HDDC2: variants seen among roughly 807,000 people sequenced by gnomAD.
The protein encoded by HDDC2 is 5'-deoxynucleotidase HDDC2.
In HDDC2, 25 loss-of-function variants were observed where a neutral mutation model predicts 25.5. That is an observed-to-expected ratio of 0.98 (90% CI 0.72 to 1.37). The LOEUF (loss-of-function observed/expected upper bound fraction) is 1.37, where lower values mean the gene tolerates loss of function less well. Ranked by LOEUF, HDDC2 falls within the 40% of genes most tolerant of loss-of-function variation. The probability of loss-of-function intolerance (pLI) is 0.00; values close to 1 mark genes in which losing one functional copy is unlikely to be tolerated. For synonymous variants in HDDC2, 106 were observed against 89.7 expected (o/e 1.18, Z -1.03); for missense variants, 264 against 253.1 (o/e 1.04, Z -0.29).
intron 2 of HDDC2, 45 bp downstream of exon 2, chr6:125,300,493 A>C (rs1387073798): frequency 6.2e-7 from 1 of 1,601,114 alleles, no homozygotes; most frequent in Admixed American, 1.7e-5. Context: ...GTGCACACCC[A>C]TAGACCAGAA....
intron 3 of HDDC2, 139 bp from the exon 4 acceptor site, chr6:125,293,048 T>C: frequency 1.4e-6 from 1 of 729,490 alleles, no homozygotes; most frequent in Non-Finnish European, 2.5e-6. Flanking sequence ...TACTGGACAA[T>C]ATTTATAGCT....
chr6:125,296,126 TA>T (rs563798273), intron 3 of HDDC2, among the ~76,000 whole-genome samples: 25 of 150,286 alleles, frequency 1.7e-4, no homozygotes, highest in African/African-American at 3.9e-4. Flanking sequence ...AAAAAAAAAT[TA>T]AAAAAAAAGA....
At chr6:125,277,598 A>G (rs1798389557) in intron 4 of HDDC2, 1 of 179,788 alleles carries the variant, frequency 5.6e-6, no homozygotes, top group Non-Finnish European at 1.1e-5. Flanking sequence ...TTTTAACATC[A>G]AGCTGATATT....
At chr6:125,276,946 C>G in intron 5 of HDDC2, 156 bp downstream of exon 5, 1 of 697,762 alleles carries the variant, frequency 1.4e-6, no homozygotes, top group Non-Finnish European at 2.4e-6. Flanking sequence ...TATCCTCAGC[C>G]TCTTACCCGA....
chr6:125,287,726 A>G (rs1052200127), intron 4 of HDDC2, among the ~76,000 whole-genome samples: 1 of 152,202 alleles, frequency 6.6e-6, no homozygotes, highest in Non-Finnish European at 1.5e-5. Context: ...CCCGAGAGGA[A>G]GACACAGGTT....
chr6:125,288,610 C>T (rs565373619), intron 4 of HDDC2, among the ~76,000 whole-genome samples: 1 of 151,954 alleles, frequency 6.6e-6, no homozygotes, highest in African/African-American at 2.4e-5. Flanking sequence ...CCAGAATCTA[C>T]AATGAACTCA....
chr6:125,292,578 G>C (rs759517440), intron 4 of HDDC2, among the ~76,000 whole-genome samples: 9 of 152,160 alleles, frequency 5.9e-5, no homozygotes, highest in Admixed American at 1.3e-4. Flanking sequence ...AAATGGGTGG[G>C]TGTGGGCAAA....
At chr6:125,284,903 TG>T (rs1333562213) in intron 4 of HDDC2, among the ~76,000 whole-genome samples, 2 of 152,128 alleles carry the variant, frequency 1.3e-5, no homozygotes, top group Non-Finnish European at 2.9e-5. Flanking sequence ...AGCAAAGACT[TG>T]GAACCAACCC....
intron 3 of HDDC2, 65 bp downstream of exon 3, chr6:125,298,649 C>G (rs1158670058): frequency 1.7e-6 from 2 of 1,199,034 alleles, no homozygotes; most frequent in Admixed American, 1.7e-5. Flanking sequence ...GTCTCATAAA[C>G]TTAGCTTTGC....
chr6:125,277,306 T>C, intron 4 of HDDC2, 66 bp from the exon 5 acceptor site: 1 of 1,507,706 alleles, frequency 6.6e-7, no homozygotes, highest in Non-Finnish European at 9.1e-7. Context: ...GGGAAAATTC[T>C]GACTCTGGTA....
chr6:125,295,815 T>C (rs3823216), intron 3 of HDDC2, among the ~76,000 whole-genome samples: 32,711 of 152,050 alleles, frequency 0.22, 4,261 homozygotes, highest in African/African-American at 0.37. Flanking sequence ...CCTGCCACCA[T>C]TATATTCCAG....
chr6:125,281,460 A>G (rs1043056686), intron 4 of HDDC2, among the ~76,000 whole-genome samples: 1 of 152,212 alleles, frequency 6.6e-6, no homozygotes, highest in Admixed American at 6.5e-5. Flanking sequence ...AAGAATCTTG[A>G]TAAAAGGTTA....
chr6:125,276,222 A>G lies in HDDC2; in HGVS notation c.539T>C (p.Ile180Thr), dbSNP rs777706002. Reference sequence around the variant, plus strand: ...CTCAAGTTCAGAAACAAGCTGGACTATCTCAGGGTGATTGAATTTTCCTGC... The same window carrying G: ...CTCAAGTTCAGAAACAAGCTGGACTGTCTCAGGGTGATTGAATTTTCCTGC... ...STAGKFNHPEIVQLVSELEAE... is the reference protein window; with the variant it reads ...STAGKFNHPETVQLVSELEAE... Residue 180 changes from isoleucine (I) to threonine (T), a missense_variant, in exon 6 of 6, where the codon ATA becomes ACA. Physicochemically the swap from Ile to Thr is moderately conservative, Grantham distance 89. Transcript: ENST00000398153. 1.6e-5 allele frequency: 26 copies of G among 1,614,014 alleles called. No individual in the cohort carries two copies. The highest frequency in any genetic ancestry group is 2.2e-5 in the Non-Finnish European group (26 of 1,179,856).
rs550942215 is a variant in HDDC2 at position 125,301,051 on chromosome 6, C to T, written c.85-392G>A. 8.6e-5 allele frequency among the ~76,000 whole-genome samples: 13 copies of T among 152,042 alleles called. No homozygotes were observed. In the South Asian group the frequency reaches 1.9e-3, roughly 22 times the overall value. On this transcript the variant is annotated intron_variant, in intron 1 of 5. Transcript: ENST00000398153. ...CTGTATTGAAGGGTCTGAACGTGAA[C>T]GAGTGATAGGCTTCCAAATTCTGAG...
chr6:125,293,501 T>C (rs1798660788), intron 3 of HDDC2, among the ~76,000 whole-genome samples: 1 of 152,166 alleles, frequency 6.6e-6, no homozygotes, highest in African/African-American at 2.4e-5. Context: ...TAAACGGCAA[T>C]TAGCTAAACC....
chr6:125,277,618 G>A (rs1170571924), intron 4 of HDDC2: 1 of 166,094 alleles, frequency 6.0e-6, no homozygotes, highest in African/African-American at 2.4e-5. Context: ...TTCGTCTTAT[G>A]CCTCTCAAAC....
chr6:125,289,132 C>T (rs1409933441), intron 4 of HDDC2, among the ~76,000 whole-genome samples: 10 of 129,110 alleles, frequency 7.7e-5, no homozygotes, highest in Non-Finnish European at 1.4e-4. Flanking sequence ...ACATATACAC[C>T]ATGGAATACT....
chr6:125,280,560 C>T (rs1395128950), intron 4 of HDDC2, among the ~76,000 whole-genome samples: 4 of 152,204 alleles, frequency 2.6e-5, no homozygotes, highest in Admixed American at 2.0e-4. Context: ...GGGGGAGGGG[C>T]GTCCGCCATT....
intron 4 of HDDC2, chr6:125,278,366 G>GGAATACTC (rs1418466339): frequency 3.3e-5 from 5 of 152,012 alleles, no homozygotes; most frequent in Non-Finnish European, 2.9e-5. Context: ...AAAAGGAAAT[G>GGAATACTC]GAATACTCCA....
Sources: gnomAD v4.1 joint callset for allele counts (sites outside exome capture counted in the v4.1 genomes callset) on GRCh38, gnomAD v4.1.1 for gene constraint, MANE v1.5 for transcripts, NCBI Gene and HGNC (gene_info 2026-07-23, HGNC 2026-07-21) for gene names.